SLC44A5: variants seen among roughly 807,000 people sequenced by gnomAD.
SLC44A5 encodes solute carrier family 44 member 5, also known as choline transporter-like protein 5.
SLC44A5 carries 57 observed loss-of-function variants against 101.8 expected under a neutral mutation model. The ratio of observed to expected loss-of-function variants is 0.56; its 90% confidence interval spans 0.45 to 0.70. SLC44A5 has a LOEUF of 0.70. Ranked by LOEUF, SLC44A5 falls within the 30% of genes least tolerant of loss-of-function variation. The pLI, the probability that SLC44A5 is intolerant of heterozygous loss-of-function variation, is 0.00. For synonymous variants in SLC44A5, 281 were observed against 290.9 expected (o/e 0.97, Z 0.35); for missense variants, 737 against 853.1 (o/e 0.86, Z 1.70).
chr1:75,648,938 A>G, the SLC44A5 span, among the ~76,000 whole-genome samples: 31 of 152,336 alleles, frequency 2.0e-4, no homozygotes, highest in African/African-American at 7.0e-4. Flanking sequence ...AATATATTTT[A>G]GATTCATGTT....
At chr1:75,628,363 A>C in the SLC44A5 span, among the ~76,000 whole-genome samples, 2 of 152,150 alleles carry the variant, frequency 1.3e-5, no homozygotes, top group Non-Finnish European at 2.9e-5. Context: ...CCTATTTAAA[A>C]ATCCTGTCTA....
At chr1:75,558,606 C>A (rs1672348981) in intron 1 of SLC44A5, among the ~76,000 whole-genome samples, 1 of 152,014 alleles carries the variant, frequency 6.6e-6, no homozygotes, top group African/African-American at 2.4e-5. Context: ...AGATCATATT[C>A]AAGAAAATCC....
chr1:75,241,943 T>G (rs1192725926), intron 9 of SLC44A5, 58 bp downstream of exon 9: 4 of 1,439,704 alleles, frequency 2.8e-6, no homozygotes, highest in Non-Finnish European at 2.9e-6. Flanking sequence ...TACGGGAACT[T>G]AATTAAGTAG....
chr1:75,505,111 T>C (rs557940532), intron 2 of SLC44A5, among the ~76,000 whole-genome samples: 1 of 152,292 alleles, frequency 6.6e-6, no homozygotes, highest in African/African-American at 2.4e-5. Flanking sequence ...TGTTCCTTCA[T>C]CATTTCATTT....
At chr1:75,420,563 T>A (rs115871700) in intron 2 of SLC44A5, among the ~76,000 whole-genome samples, 2,673 of 152,258 alleles carry the variant, frequency 0.018, 81 homozygotes, top group African/African-American at 0.061. Context: ...AACAACTATC[T>A]GCTGTTCATA....
chr1:75,560,672 C>T (rs1365642358), intron 1 of SLC44A5, among the ~76,000 whole-genome samples: 3 of 152,222 alleles, frequency 2.0e-5, no homozygotes, highest in East Asian at 3.9e-4. Flanking sequence ...TTGTCTGTGG[C>T]AGATTTGGTC....
At chr1:75,646,048 T>G in the SLC44A5 span, among the ~76,000 whole-genome samples, 1 of 134,892 alleles carries the variant, frequency 7.4e-6, no homozygotes, top group African/African-American at 2.5e-5. Context: ...TGTAGTATAG[T>G]TTGAAGTCAG....
At chr1:75,463,739 G>A (rs910213356) in intron 2 of SLC44A5, among the ~76,000 whole-genome samples, 1 of 152,100 alleles carries the variant, frequency 6.6e-6, no homozygotes, top group African/African-American at 2.4e-5. Context: ...AGAAAGGAAT[G>A]TTAATTAGTA....
At chr1:75,594,747 A>G (rs1351214192) in intron 1 of SLC44A5, among the ~76,000 whole-genome samples, 1 of 151,954 alleles carries the variant, frequency 6.6e-6, no homozygotes, top group Non-Finnish European at 1.5e-5. Context: ...TAATGATGTA[A>G]CAGAAAAAGG....
chr1:75,642,599 G>A, the SLC44A5 span, among the ~76,000 whole-genome samples: 16 of 152,248 alleles, frequency 1.1e-4, no homozygotes, highest in Middle Eastern at 3.4e-3. Flanking sequence ...AGGAAGAAGA[G>A]AGAAAAATTT....
intron 3 of SLC44A5, among the ~76,000 whole-genome samples, chr1:75,394,906 A>G (rs970854312): frequency 3.9e-5 from 6 of 152,054 alleles, no homozygotes; most frequent in Non-Finnish European, 7.4e-5. Context: ...CTCTGCTGAG[A>G]TGCACTTTTA....
chr1:75,569,287 C>G (rs1365458747), intron 1 of SLC44A5, among the ~76,000 whole-genome samples: 1 of 139,822 alleles, frequency 7.2e-6, no homozygotes, highest in East Asian at 2.0e-4. Flanking sequence ...GTTGCCCAGG[C>G]TGGAGTGCAG....
chr1:75,537,033 A>AAAAAAAAAAAATATATATATAT (rs35829590), intron 2 of SLC44A5, among the ~76,000 whole-genome samples: 4 of 43,038 alleles, frequency 9.3e-5, no homozygotes, highest in Non-Finnish European at 1.2e-4. Context: ...AAAAAAAAAA[A>AAAAAAAAAAAATATATATATAT]ATATATATCT....
At chr1:75,393,416 C>T (rs1026214017) in intron 3 of SLC44A5, among the ~76,000 whole-genome samples, 1 of 152,032 alleles carries the variant, frequency 6.6e-6, no homozygotes, top group African/African-American at 2.4e-5. Flanking sequence ...TATGTTATTA[C>T]AAAGGGTTAA....
the SLC44A5 span, among the ~76,000 whole-genome samples, chr1:75,656,966 T>C: frequency 2.6e-5 from 4 of 152,038 alleles, no homozygotes; most frequent in African/African-American, 9.7e-5. Context: ...CTGGCCAACA[T>C]GGTGAAACCC....
chr1:75,259,081 C>G lies in SLC44A5; in HGVS notation c.261-7787G>C, dbSNP rs894249996. Among the ~76,000 whole-genome samples the G allele has an allele frequency of 6.6e-5, 10 of 152,120 alleles. 1 individual carries two copies. Among genetic ancestry groups the G allele is most frequent in the African/African-American group, 2.4e-4 (10 of 41,392 alleles). On this transcript the variant is annotated intron_variant, in intron 6 of 23. Coordinates refer to ENST00000370859, the MANE Select transcript of SLC44A5 (RefSeq NM_001130058.2). ...CCATGAAGATGGGGGGAAATCAGCACAAAAAGGCTGAAAATTCCAAAAACC... is the reference window on the plus strand; with the variant it reads ...CCATGAAGATGGGGGGAAATCAGCAGAAAAAGGCTGAAAATTCCAAAAACC...
At chr1:75,394,885 G>A (rs1160443335) in intron 3 of SLC44A5, among the ~76,000 whole-genome samples, 1 of 152,024 alleles carries the variant, frequency 6.6e-6, no homozygotes, top group Non-Finnish European at 1.5e-5. Flanking sequence ...TTAGGATCTG[G>A]GAGTGTTTCC....
chr1:75,562,255 C>A (rs1441227591), intron 1 of SLC44A5, among the ~76,000 whole-genome samples: 1 of 152,024 alleles, frequency 6.6e-6, no homozygotes, highest in Non-Finnish European at 1.5e-5. Flanking sequence ...TACCCCAGAT[C>A]CATCAGCACT....
At chr1:75,359,816 C>T (rs113473019) in intron 3 of SLC44A5, among the ~76,000 whole-genome samples, 80 of 152,180 alleles carry the variant, frequency 5.3e-4, no homozygotes, top group Non-Finnish European at 2.2e-4. Flanking sequence ...CTTTTCTCTA[C>T]ATCCTCACCA....
Sources: allele counts gnomAD v4.1 joint callset (sites outside exome capture counted in the v4.1 genomes callset), GRCh38; gene constraint gnomAD v4.1.1; transcripts MANE v1.5; gene names NCBI Gene and HGNC (gene_info 2026-07-23, HGNC 2026-07-21).